The following SLC43A2 variants were observed in gnomAD, a reference collection of about 807,000 sequenced individuals.
SLC43A2 encodes the protein large neutral amino acids transporter small subunit 4.
Under a neutral mutation model 63.2 loss-of-function variants are expected in SLC43A2, and 38 were observed. The observed-to-expected ratio is 0.60, with a 90% CI of 0.46 to 0.79. The LOEUF is 0.79. Ranked by LOEUF, SLC43A2 falls within the 30% of genes least tolerant of loss-of-function variation. The pLI, the probability that SLC43A2 is intolerant of heterozygous loss-of-function variation, is 0.00. For synonymous variants in SLC43A2, 322 were observed against 331.0 expected (o/e 0.97, Z 0.30); for missense variants, 644 against 756.2 (o/e 0.85, Z 1.74).
intron 3 of SLC43A2, among the ~76,000 whole-genome samples, chr17:1,615,286 T>C (rs1907491712): frequency 6.6e-6 from 1 of 151,772 alleles, no homozygotes; most frequent in African/African-American, 2.4e-5. Context: ...ATTTTTTTAT[T>C]TTTAGTGGAG....
In SLC43A2 at chr17:1,607,891, T is replaced by C. The variant is rs369085172; in HGVS notation, c.501+5304A>G. On this transcript the variant is annotated intron_variant, in intron 5 of 13. Transcript: ENST00000301335. Reference sequence around the variant, plus strand: ...CCACCACATCTGGCTAATTTTTGCATTTTTAGTAGAGACGGGGTTTCACCA... The same window carrying C: ...CCACCACATCTGGCTAATTTTTGCACTTTTAGTAGAGACGGGGTTTCACCA... Among the ~76,000 whole-genome samples the C allele has an allele frequency of 1.2e-4, 18 of 152,228 alleles. No individual in the cohort carries two copies. The East Asian group carries it at 1.9e-3, about 16-fold the overall frequency.
At chr17:1,601,290 C>G (rs546024461) in intron 5 of SLC43A2, among the ~76,000 whole-genome samples, 4 of 152,184 alleles carry the variant, frequency 2.6e-5, no homozygotes, top group Admixed American at 1.3e-4. Flanking sequence ...GGGCATGAAT[C>G]TTCCAGAGTG....
Position 1,591,710 on chromosome 17 carries a change from C to T in SLC43A2, c.595-11G>A, listed in dbSNP as rs1301461203. The T allele has an allele frequency of 6.4e-6, 6 of 930,330 alleles. No homozygotes were observed. Among genetic ancestry groups the T allele is most frequent in the Non-Finnish European group, 9.0e-6 (6 of 665,714 alleles). 57.6% of individuals were successfully genotyped at this position (930,330 alleles called of 1,614,324 possible). A position where few individuals can be genotyped will look rare whatever the true frequency, so the allele number is the denominator to read the frequency against. ...AGCATCATAGATGAGCTGACAGGCA[C>T]CGCGGGGACGGGGTGGGGGGGGGAG... On this transcript the variant is annotated splice_polypyrimidine_tract_variant and intron_variant, in intron 6 of 13. Coordinates refer to ENST00000301335, the MANE Select transcript of SLC43A2 (RefSeq NM_152346.3).
At chr17:1,612,624 C>T (rs1330871292) in intron 5 of SLC43A2, among the ~76,000 whole-genome samples, 62 of 152,240 alleles carry the variant, frequency 4.1e-4, no homozygotes, top group Admixed American at 3.9e-3. Flanking sequence ...CTCTGCCTTC[C>T]TTGGGCACAA....
chr17:1,604,165 C>A (rs530739767), intron 5 of SLC43A2, among the ~76,000 whole-genome samples: 1 of 149,676 alleles, frequency 6.7e-6, no homozygotes, highest in Non-Finnish European at 1.5e-5. Context: ...CTCAGCCTCC[C>A]GAGTAGCTGG....
Position 1,605,070 on chromosome 17 carries a change from CACCACA to C in SLC43A2, c.501+8119_501+8124del. 1.1e-6 allele frequency: 1 copy of C among 894,348 alleles called. No homozygotes were observed. Among genetic ancestry groups the C allele is most frequent in the South Asian group, 2.2e-5 (1 of 45,942 alleles). 55.4% of individuals were successfully genotyped at this position (894,348 alleles called of 1,614,324 possible). A position where few individuals can be genotyped will look rare whatever the true frequency, so the allele number is the denominator to read the frequency against. ...AAGCCGGAGCTGTTTCCTGACTCAC[CACCACA>C]CTCACAGGTGGGAGTGCAAGCCCCT... is the stretch of plus-strand genomic sequence containing the variant. On this transcript the variant is annotated intron_variant, in intron 5 of 13. Coordinates refer to ENST00000301335, the MANE Select transcript of SLC43A2 (RefSeq NM_152346.3). The surrounding 1 kb of genome is among the most constrained non-coding windows in gnomAD (Gnocchi z 4.9).
At chr17:1,621,661 G>T (rs1908171998) in intron 2 of SLC43A2, among the ~76,000 whole-genome samples, 1 of 152,204 alleles carries the variant, frequency 6.6e-6, no homozygotes, top group South Asian at 2.1e-4. Flanking sequence ...ATGCTCAACG[G>T]GTGTGCCCAC....
intron 2 of SLC43A2, among the ~76,000 whole-genome samples, chr17:1,627,220 T>C (rs1908735913): frequency 6.6e-6 from 1 of 152,136 alleles, no homozygotes; most frequent in African/African-American, 2.4e-5. Flanking sequence ...AGCAAGCACT[T>C]AGGAGACTCC....
At chr17:1,618,030 G>A (rs567774195) in intron 2 of SLC43A2, among the ~76,000 whole-genome samples, 6 of 152,348 alleles carry the variant, frequency 3.9e-5, no homozygotes, top group Admixed American at 2.0e-4. Context: ...CTCTTCTTCC[G>A]GTAACTGCCT....
chr17:1,591,733 G>A (rs767258375), intron 6 of SLC43A2, 34 bp from the exon 7 acceptor site: 2 of 598,440 alleles, frequency 3.3e-6, no homozygotes, highest in South Asian at 3.2e-5. Context: ...GTGGGGGGGG[G>A]AGGGGGCAGA....
rs12946691 is a variant in SLC43A2, at chr17:1,594,594, T to C, written c.502-1315A>G. On this transcript the variant is annotated intron_variant, in intron 5 of 13. Coordinates refer to ENST00000301335, the MANE Select transcript of SLC43A2 (RefSeq NM_152346.3). ...AATCTTTTTCTTTCTTTCTTTCTTT[T>C]TTTTTTTTTTTGAGACGGAGTCTCG... Among the ~76,000 whole-genome samples, 135 of 94,596 alleles carry C rather than the reference T, an allele frequency of 1.4e-3. 1 individual carries two copies. Among genetic ancestry groups the C allele is most frequent in the African/African-American group, 5.0e-3 (117 of 23,384 alleles). The allele number at this position is 94,596 out of a possible 152,430, so 62.1% of individuals were successfully genotyped here. A position where few individuals can be genotyped will look rare whatever the true frequency, so the allele number is the denominator to read the frequency against.
chr17:1,607,230 T>C (rs1906705252), intron 5 of SLC43A2, among the ~76,000 whole-genome samples: 1 of 152,214 alleles, frequency 6.6e-6, no homozygotes, highest in African/African-American at 2.4e-5. Flanking sequence ...AAGGCGACCC[T>C]GGAGACTCCT....
chr17:1,599,265 A>G (rs1042992197), intron 5 of SLC43A2, among the ~76,000 whole-genome samples: 5 of 151,164 alleles, frequency 3.3e-5, no homozygotes, highest in Non-Finnish European at 5.9e-5. Flanking sequence ...GCTTGAACCC[A>G]GGGGGCAGAG....
chr17:1,612,920 C>A (rs569881204), intron 5 of SLC43A2, among the ~76,000 whole-genome samples: 1 of 151,818 alleles, frequency 6.6e-6, no homozygotes, highest in African/African-American at 2.4e-5. Flanking sequence ...TGCAGTGAGC[C>A]GAGATCCCCC....
intron 4 of SLC43A2, among the ~76,000 whole-genome samples, chr17:1,613,885 GC>G (rs1212371973): frequency 2.6e-5 from 4 of 152,060 alleles, no homozygotes; most frequent in African/African-American, 4.8e-5. Flanking sequence ...AATTGCTTGA[GC>G]CCAGGGGTTC....
intron 10 of SLC43A2, chr17:1,585,692 A>C: frequency 1.3e-6 from 2 of 1,483,884 alleles, no homozygotes; most frequent in Non-Finnish European, 1.8e-6. Context: ...CTGGCCTCAA[A>C]CTTTAGCATT....
In SLC43A2 at chr17:1,573,014, AAG is replaced by A. The variant is rs1299616796; in HGVS notation, c.*2588_*2589del. ...ATAGCAAGAATTCATCTTTATGAAA[AAG>A]AAAAAAAAAATTAGCCAGGCATGGT... On this transcript the variant is annotated 3_prime_UTR_variant, in exon 14 of 14. Coordinates refer to ENST00000301335, the MANE Select transcript of SLC43A2 (RefSeq NM_152346.3). 1.3e-5 allele frequency: 2 copies of A among 151,546 alleles called. No individual in the cohort carries two copies. The highest frequency in any genetic ancestry group is 2.9e-5 in the Non-Finnish European group (2 of 67,820). 9.4% of individuals were successfully genotyped at this position (151,546 alleles called of 1,614,324 possible).
At chr17:1,626,312 C>T (rs1908663742) in intron 2 of SLC43A2, among the ~76,000 whole-genome samples, 2 of 151,808 alleles carry the variant, frequency 1.3e-5, no homozygotes, top group South Asian at 4.2e-4. Context: ...CTTTCGGGGA[C>T]AGGCATTAAT....
intron 5 of SLC43A2, among the ~76,000 whole-genome samples, chr17:1,603,916 G>A (rs909055097): frequency 5.9e-5 from 9 of 152,220 alleles, no homozygotes; most frequent in Admixed American, 3.9e-4. Flanking sequence ...CCCAGGCCAC[G>A]CTGCCTCTCT....
Sources: allele counts gnomAD v4.1 joint callset (sites outside exome capture counted in the v4.1 genomes callset), GRCh38; gene constraint gnomAD v4.1.1; non-coding constraint Gnocchi (gnomAD v3.1); transcripts MANE v1.5; gene names NCBI Gene and HGNC (gene_info 2026-07-23, HGNC 2026-07-21).